The following USH2A variants were observed in gnomAD, a reference collection of about 807,000 sequenced individuals.
USH2A encodes the protein usherin.
USH2A carries 443 observed loss-of-function variants against 538.9 expected under a neutral mutation model. The observed-to-expected ratio is 0.82, with a 90% confidence interval of 0.76 to 0.89. The LOEUF (loss-of-function observed/expected upper bound fraction) is 0.89, where lower values mean the gene tolerates loss of function less well. Ranked by LOEUF, USH2A falls within the 40% of genes least tolerant of loss-of-function variation. The pLI is 0.00. For missense variants in USH2A, 6,633 were observed against 6,324.8 expected (o/e 1.05, Z -1.65); for synonymous variants, 2,413 against 2,273.5 (o/e 1.06, Z -1.75).
chr1:216,298,935 G>C (rs1558373072), intron 9 of USH2A, among the ~76,000 whole-genome samples: 1 of 151,908 alleles, frequency 6.6e-6, no homozygotes, highest in East Asian at 1.9e-4. Context: ...CCACCTCCCA[G>C]GTTCACACCA....
chr1:215,969,824 C>A (rs144831876), intron 36 of USH2A, among the ~76,000 whole-genome samples: 146 of 152,228 alleles, frequency 9.6e-4, no homozygotes, highest in African/African-American at 3.3e-3. Flanking sequence ...AGACAGCATG[C>A]ACTAAAATGA....
In USH2A at chr1:216,348,302, C is replaced by G. The variant is rs985412188; in HGVS notation, c.784+16651G>C. ...ACTTTCACTGGAATGGTGTGCTTTC[C>G]TTTAAGGAATCAATCTTGACTTATA... On this transcript the variant is annotated intron_variant, in intron 4 of 71. Transcript: ENST00000307340. 2.8e-4 allele frequency among the ~76,000 whole-genome samples: 43 copies of G among 152,052 alleles called. 1 individual carries two copies. Among genetic ancestry groups the G allele is most frequent in the African/African-American group, 9.4e-4 (39 of 41,416 alleles).
intron 32 of USH2A, among the ~76,000 whole-genome samples, chr1:216,023,459 C>CAAAAAA: frequency 0.059 from 2,728 of 46,352 alleles, 184 homozygotes; most frequent in African/African-American, 0.093. Context: ...TCAAAGCAGA[C>CAAAAAA]AAAAAAAAAA....
intron 13 of USH2A, among the ~76,000 whole-genome samples, chr1:216,241,206 T>C (rs1471653875): frequency 1.3e-5 from 2 of 152,122 alleles, no homozygotes; most frequent in Admixed American, 1.3e-4. Flanking sequence ...AGGAAGACAA[T>C]AGATAATATC....
rs374536501 is a variant in USH2A, at chr1:216,256,712, C to T, written c.1972-5614G>A. On this transcript the variant is annotated intron_variant, in intron 11 of 71. Coordinates refer to ENST00000307340, the MANE Select transcript of USH2A (RefSeq NM_206933.4). ...ACTTAACAAATAGTAAATACATTTTCTCTTTCTTATGATTGTCCTAAAGAT... is the reference window on the plus strand; with the variant it reads ...ACTTAACAAATAGTAAATACATTTTTTCTTTCTTATGATTGTCCTAAAGAT... 3.9e-5 allele frequency among the ~76,000 whole-genome samples: 6 copies of T among 152,100 alleles called. No homozygotes were observed. In the East Asian group the frequency reaches 9.7e-4, roughly 25 times the overall value.
intron 3 of USH2A, among the ~76,000 whole-genome samples, chr1:216,366,591 A>C (rs941878865): frequency 5.9e-5 from 9 of 151,572 alleles, no homozygotes; most frequent in East Asian, 3.9e-4. Context: ...GTCCCCCCCC[A>C]AAAAAACAAG....
chr1:215,830,089 C>A (rs531975311), intron 47 of USH2A, among the ~76,000 whole-genome samples: 3 of 152,278 alleles, frequency 2.0e-5, no homozygotes, highest in African/African-American at 7.2e-5. Context: ...ATGAATGTTA[C>A]AGGGTGAGTT....
rs1396687231 is a variant in USH2A, at chr1:216,137,022, AT to A, written c.4627+38229del. ...TGATCATAAATTTGTTTTGATTAGG[AT>A]GATTTTCCCATGTCTATTGGATGAA... On this transcript the variant is annotated intron_variant, in intron 21 of 71. Transcript: ENST00000307340. Among the ~76,000 whole-genome samples the A allele has an allele frequency of 3.0e-4, 46 of 152,308 alleles. No individual in the cohort carries two copies. In the Middle Eastern group the frequency reaches 0.014, roughly 45 times the overall value.
chr1:216,079,530 T>C lies in USH2A; in HGVS notation c.5299-1168A>G, dbSNP rs1046054845. ...TCAGGTTCAGAGAAAGGCACCAACT[T>C]AGCTAAGACAAAGGGTACATATGGA... On this transcript the variant is annotated intron_variant, in intron 26 of 71. Coordinates refer to ENST00000307340, the MANE Select transcript of USH2A (RefSeq NM_206933.4). Among the ~76,000 whole-genome samples, 5 of 152,180 alleles carry C rather than the reference T, an allele frequency of 3.3e-5. No individual in the cohort carries two copies. The East Asian group carries it at 9.7e-4, about 29-fold the overall frequency.
chr1:216,255,118 T>A (rs886561174), intron 11 of USH2A, among the ~76,000 whole-genome samples: 1 of 152,222 alleles, frequency 6.6e-6, no homozygotes, highest in African/African-American at 2.4e-5. Flanking sequence ...GAGATTCTCC[T>A]GCTCTTTATG....
intron 3 of USH2A, among the ~76,000 whole-genome samples, chr1:216,392,500 AAAAAAAAAAAAAAAAAAT>A: frequency 6.6e-6 from 1 of 151,422 alleles, no homozygotes; most frequent in East Asian, 1.9e-4. Flanking sequence ...TCAAAAAAAA[AAAAAAAAAAAAAAAAAAT>A]CCAAAGTGTA....
intron 70 of USH2A, among the ~76,000 whole-genome samples, chr1:215,633,341 C>T (rs1264952239): frequency 1.3e-5 from 2 of 152,076 alleles, no homozygotes; most frequent in Non-Finnish European, 2.9e-5. Context: ...GCTTCTCCAC[C>T]ACCACGTCAT....
chr1:215,949,089 A>C (rs1210380230), intron 37 of USH2A, among the ~76,000 whole-genome samples: 1 of 152,094 alleles, frequency 6.6e-6, no homozygotes, highest in African/African-American at 2.4e-5. Flanking sequence ...GAAATTGCCA[A>C]CTCAGAGATT....
chr1:216,295,183 A>G (rs1296292933), intron 9 of USH2A, among the ~76,000 whole-genome samples: 1 of 151,784 alleles, frequency 6.6e-6, no homozygotes, highest in Non-Finnish European at 1.5e-5. Context: ...TTGCTACTTC[A>G]AAACAACCAA....
chr1:216,051,423 C>T (rs2030780860), intron 30 of USH2A, among the ~76,000 whole-genome samples: 2 of 152,220 alleles, frequency 1.3e-5, no homozygotes, highest in East Asian at 3.8e-4. Flanking sequence ...TGTGTTTTAG[C>T]CATTCTATCT....
At chr1:216,368,173 T>C (rs1340695642) in intron 3 of USH2A, among the ~76,000 whole-genome samples, 1 of 151,612 alleles carries the variant, frequency 6.6e-6, no homozygotes, top group Non-Finnish European at 1.5e-5. Flanking sequence ...CTGTGATAGA[T>C]TGTACTCATC....
At chr1:216,048,922 G>A (rs1396057179) in intron 30 of USH2A, among the ~76,000 whole-genome samples, 1 of 152,148 alleles carries the variant, frequency 6.6e-6, no homozygotes, top group Non-Finnish European at 1.5e-5. Context: ...ATGGGGAGGG[G>A]GTTCCACATA....
intron 21 of USH2A, among the ~76,000 whole-genome samples, chr1:216,163,177 G>T (rs2034096145): frequency 6.6e-6 from 1 of 151,802 alleles, no homozygotes; most frequent in East Asian, 1.9e-4. Flanking sequence ...TGTTGCATAC[G>T]ATATTAAGAA....
chr1:216,068,417 T>A (rs1467710264), intron 30 of USH2A, among the ~76,000 whole-genome samples: 1 of 152,122 alleles, frequency 6.6e-6, no homozygotes, highest in Non-Finnish European at 1.5e-5. Context: ...CTGGCATACA[T>A]CAGATGTATC....
Sources: gnomAD v4.1 joint callset for allele counts (sites outside exome capture counted in the v4.1 genomes callset) on GRCh38, gnomAD v4.1.1 for gene constraint, MANE v1.5 for transcripts, NCBI Gene and HGNC (gene_info 2026-07-23, HGNC 2026-07-21) for gene names.